Variants in FAM149B1 observed in about 807,000 individuals in gnomAD.
FAM149B1 encodes family with sequence similarity 149 member B1.
In FAM149B1, 56 loss-of-function variants were observed where a neutral mutation model predicts 75.3. The ratio of observed to expected loss-of-function variants is 0.74; its 90% CI spans 0.60 to 0.93. The LOEUF (loss-of-function observed/expected upper bound fraction) is 0.93. Among genes scored for constraint, FAM149B1 ranks in the 40% least tolerant of loss-of-function variants. The pLI is 0.00. For synonymous variants in FAM149B1, 259 were observed against 256.1 expected (o/e 1.01, Z -0.11); for missense variants, 639 against 708.4 (o/e 0.90, Z 1.11).
chr10:73,201,751 T>C (rs1306820094), intron 5 of FAM149B1, among the ~76,000 whole-genome samples: 1 of 152,188 alleles, frequency 6.6e-6, no homozygotes, highest in Non-Finnish European at 1.5e-5. Context: ...ACCCTATGGC[T>C]AAGCCCCAGC....
intron 8 of FAM149B1, among the ~76,000 whole-genome samples, chr10:73,229,149 T>G (rs1470839026): frequency 6.6e-6 from 1 of 152,166 alleles, no homozygotes; most frequent in African/African-American, 2.4e-5. Flanking sequence ...ACAAAGATGG[T>G]ATTTCTTGCA....
intron 7 of FAM149B1, among the ~76,000 whole-genome samples, chr10:73,216,489 G>T (rs114310345): frequency 0.039 from 4,853 of 124,010 alleles, 251 homozygotes; most frequent in African/African-American, 0.15. Context: ...TCTGTCTTTT[G>T]TCTTTGTGGT....
chr10:73,235,455 G>A, intron 12 of FAM149B1, 137 bp downstream of exon 12: 4 of 1,448,496 alleles, frequency 2.8e-6, no homozygotes, highest in Non-Finnish European at 2.7e-6. Context: ...AATAAAAAGT[G>A]TTATAAATAC....
chr10:73,218,952 C>G (rs1373296651), intron 7 of FAM149B1, among the ~76,000 whole-genome samples: 1 of 152,154 alleles, frequency 6.6e-6, no homozygotes, highest in Non-Finnish European at 1.5e-5. Context: ...GTTGTGCTTT[C>G]TACGAGACTA....
intron 8 of FAM149B1, among the ~76,000 whole-genome samples, chr10:73,228,942 G>C (rs1167850688): frequency 1.3e-5 from 2 of 152,088 alleles, no homozygotes; most frequent in Admixed American, 6.5e-5. Flanking sequence ...TGTTGCCCAG[G>C]CTGGTCTCAA....
chr10:73,202,671 T>A (rs929759466), intron 5 of FAM149B1, among the ~76,000 whole-genome samples: 4 of 141,426 alleles, frequency 2.8e-5, no homozygotes, highest in Non-Finnish European at 4.6e-5. Flanking sequence ...CTTCATCCCT[T>A]CCCTCTTCCT....
chr10:73,181,829 A>C (rs1475875312), intron 3 of FAM149B1, among the ~76,000 whole-genome samples: 1 of 152,200 alleles, frequency 6.6e-6, no homozygotes, highest in Non-Finnish European at 1.5e-5. Context: ...TGCAATGCTG[A>C]AAGTTGGGTG....
intron 4 of FAM149B1, among the ~76,000 whole-genome samples, 160 bp downstream of exon 4, chr10:73,192,858 G>A (rs941564195): frequency 6.6e-6 from 1 of 152,218 alleles, no homozygotes; most frequent in Non-Finnish European, 1.5e-5. Flanking sequence ...GAAAACTTAA[G>A]TTGGTAGAAG....
At chr10:73,230,393 CAA>C in intron 8 of FAM149B1, 27 bp from the exon 9 acceptor site, 2 of 1,229,982 alleles carry the variant, frequency 1.6e-6, no homozygotes, top group Non-Finnish European at 2.3e-6. Flanking sequence ...TCCAACCGAT[CAA>C]GAGTACTGTC....
rs2043959498 is a variant in FAM149B1, at chr10:73,241,975, A to C, written c.*956A>C. 1 of 152,202 alleles carries C rather than the reference A, an allele frequency of 6.6e-6. No homozygotes were observed. The highest frequency in any genetic ancestry group is 2.4e-5 in the African/African-American group (1 of 41,460). 9.4% of individuals were successfully genotyped at this position (152,202 alleles called of 1,614,324 possible). A position where few individuals can be genotyped will look rare whatever the true frequency, so the allele number is the denominator to read the frequency against. ...ACAGTTTTAACTATGGCTTACATTTATTTTAAATTTCACTAAATACAAATC... is the reference window on the plus strand; with the variant it reads ...ACAGTTTTAACTATGGCTTACATTTCTTTTAAATTTCACTAAATACAAATC... On this transcript the variant is annotated 3_prime_UTR_variant, in exon 14 of 14. Transcript: ENST00000242505.
At chr10:73,219,719 T>C (rs1468208884) in intron 7 of FAM149B1, among the ~76,000 whole-genome samples, 1 of 152,112 alleles carries the variant, frequency 6.6e-6, no homozygotes. Context: ...AAGAATGAAG[T>C]TGGATCCTGA....
intron 5 of FAM149B1, among the ~76,000 whole-genome samples, chr10:73,204,817 G>A (rs181773356): frequency 7.9e-6 from 1 of 127,138 alleles, no homozygotes; most frequent in Middle Eastern, 5.2e-3. Context: ...TCGCTCTGAC[G>A]CCCAGGCTGG....
chr10:73,224,856 G>T (rs969030614), intron 7 of FAM149B1, among the ~76,000 whole-genome samples: 2 of 152,168 alleles, frequency 1.3e-5, no homozygotes, highest in Non-Finnish European at 2.9e-5. Flanking sequence ...CTAGATAGAG[G>T]TAAGGGTTGC....
intron 6 of FAM149B1, 50 bp downstream of exon 6, chr10:73,208,836 T>G: frequency 8.3e-7 from 1 of 1,200,802 alleles, no homozygotes; most frequent in Non-Finnish European, 1.1e-6. Context: ...TTTTGTGTAT[T>G]AATACCTATT....
At chr10:73,239,451 T>C in intron 13 of FAM149B1, 67 bp downstream of exon 13, 1 of 1,163,110 alleles carries the variant, frequency 8.6e-7, no homozygotes, top group Non-Finnish European at 1.2e-6. Context: ...CTTTGTCTTT[T>C]TTCCTACACC....
At chr10:73,197,856 G>A (rs1366897666) in intron 5 of FAM149B1, among the ~76,000 whole-genome samples, 1 of 151,946 alleles carries the variant, frequency 6.6e-6, no homozygotes, top group Non-Finnish European at 1.5e-5. Context: ...GAAGAGATGA[G>A]TTTGAAGACA....
chr10:73,242,753 C>T lies in FAM149B1; in HGVS notation c.*1734C>T, dbSNP rs1274176412. The stretch of plus-strand genomic sequence containing the variant: ...CAGGGCTATTGTTTTCCCCTTTTCT[C>T]TCATCCTAAACACCATTCATATTTT... On this transcript the variant is annotated 3_prime_UTR_variant, in exon 14 of 14. Coordinates refer to ENST00000242505, the MANE Select transcript of FAM149B1 (RefSeq NM_173348.2). 2 of 152,222 alleles carry T rather than the reference C, an allele frequency of 1.3e-5. No homozygotes were observed. The highest frequency in any genetic ancestry group is 3.8e-4 in the East Asian group (2 of 5,202). The allele number at this position is 152,222 out of a possible 1,614,324, so 9.4% of individuals were successfully genotyped here. A position where few individuals can be genotyped will look rare whatever the true frequency, so the allele number is the denominator to read the frequency against.
At chr10:73,240,860 T>G (rs1368886232) in intron 13 of FAM149B1, 86 bp from the exon 14 acceptor site, 4 of 782,218 alleles carry the variant, frequency 5.1e-6, no homozygotes, top group Non-Finnish European at 8.8e-6. Context: ...AATTCATAAT[T>G]GGAGCAAAAA....
chr10:73,213,843 C>T (rs1197610234), intron 7 of FAM149B1, among the ~76,000 whole-genome samples: 1 of 151,800 alleles, frequency 6.6e-6, no homozygotes, highest in African/African-American at 2.4e-5. Context: ...GATTTTTTTT[C>T]TAATTCTGTG....
Sources: gnomAD v4.1 joint callset for allele counts (sites outside exome capture counted in the v4.1 genomes callset) on GRCh38, gnomAD v4.1.1 for gene constraint, MANE v1.5 for transcripts, NCBI Gene and HGNC (gene_info 2026-07-23, HGNC 2026-07-21) for gene names.